The following COL14A1 variants were observed in gnomAD, a reference collection of about 807,000 sequenced individuals.
The protein encoded by COL14A1 is collagen alpha-1(XIV) chain.
COL14A1 carries 136 observed loss-of-function variants against 230.3 expected under a neutral mutation model. The observed-to-expected ratio is 0.59, with a 90% confidence interval of 0.51 to 0.68. The LOEUF (loss-of-function observed/expected upper bound fraction) is 0.68. Ranked by LOEUF, COL14A1 falls within the 30% of genes least tolerant of loss-of-function variation. The pLI is 0.00. For synonymous variants in COL14A1, 792 were observed against 784.1 expected, an observed-to-expected ratio of 1.01 and a Z score of -0.17; for missense variants, 1,976 against 2,215.8, an observed-to-expected ratio of 0.89 and a Z score of 2.17.
intron 4 of COL14A1, 139 bp from the exon 5 acceptor site, chr8:120,168,022 A>C: frequency 2.0e-6 from 1 of 505,916 alleles, no homozygotes; most frequent in South Asian, 3.5e-5. Context: ...AGCAGTTCTA[A>C]TATTTGGGGA....
At chr8:120,255,195 G>A in intron 22 of COL14A1, 45 bp from the exon 23 acceptor site, 2 of 1,447,452 alleles carry the variant, frequency 1.4e-6, no homozygotes, top group African/African-American at 1.4e-5. Flanking sequence ...GGATGCTTGT[G>A]TGTTGTCTGC....
At chr8:120,332,572 G>T in intron 41 of COL14A1, 92 bp from the exon 42 acceptor site, 1 of 1,006,404 alleles carries the variant, frequency 9.9e-7, no homozygotes, top group South Asian at 1.4e-5. Context: ...AGCTATCATG[G>T]TGTGTATTTG....
rs560573154 is a variant in COL14A1, at chr8:120,215,739, C to T, written c.1598-612C>T. ...TGGATAATGGATTAGAAGTGGGTTG[C>T]GAGAGAAAGAGCAATCCAGGAGGCT... is the stretch of plus-strand genomic sequence containing the variant. On this transcript the variant is annotated intron_variant, in intron 13 of 47. Transcript: ENST00000297848. Among the ~76,000 whole-genome samples, 22 of 151,806 alleles carry T rather than the reference C, an allele frequency of 1.4e-4. 1 individual carries two copies. The highest frequency in any genetic ancestry group is 1.2e-3 in the Admixed American group (19 of 15,216).
rs778171156 is a variant in COL14A1, at chr8:120,371,157, C to A, written c.5317C>A (p.His1773Asn). 6.8e-6 allele frequency: 11 copies of A among 1,609,218 alleles called. No individual in the cohort carries two copies. The highest frequency in any genetic ancestry group is 1.3e-5 in the African/African-American group (1 of 74,788). Residue 1773 changes from histidine (H) to asparagine (N), a missense_variant, in exon 48 of 48, where the codon CAT (histidine) becomes AAT (asparagine). By Grantham distance (68) the His-to-Asn change is moderately conservative (BLOSUM62 1). Transcript: ENST00000297848. ...SCSAYGVRAP[H>N]PDQPEFTPVQ... ...CCCCCACTTTTCCTCTTTAGCTCCC[C>A]ATCCAGATCAGCCAGAGTTCACCCC...
chr8:120,208,783 G>A (rs1325131555), intron 11 of COL14A1, among the ~76,000 whole-genome samples: 1 of 152,034 alleles, frequency 6.6e-6, no homozygotes. Context: ...ATCATTGTAG[G>A]TAAAACAAGC....
At chr8:120,367,091 T>C in intron 45 of COL14A1, 80 bp from the exon 46 acceptor site, 1 of 1,192,364 alleles carries the variant, frequency 8.4e-7, no homozygotes, top group South Asian at 1.5e-5. Context: ...GAGAAGCACT[T>C]TCGAACTCCA....
chr8:120,313,814 C>A (rs1821120437), intron 37 of COL14A1, 118 bp from the exon 38 acceptor site: 1 of 632,874 alleles, frequency 1.6e-6, no homozygotes, highest in South Asian at 2.4e-5. Flanking sequence ...CTGAGTATTT[C>A]CTATCTTAAG....
In COL14A1 at chr8:120,367,242, C is replaced by T. The variant is rs1331104259; in HGVS notation, c.5149C>T (p.Pro1717Ser). ...GTQGPRGPPG[P>S]AGPSGESRPG... The stretch of plus-strand genomic sequence containing the variant: ...CCAAGGTCCAAGAGGCCCCCCTGGA[C>T]CAGCAGGTAAATCTTCCTTCCTAAC... The change falls in exon 46 of 48, where the codon CCA (proline) becomes TCA (serine). Residue 1717 changes from proline to serine, a missense_variant. Physicochemically the swap from Pro to Ser is moderately conservative, Grantham distance 74 (BLOSUM62 -1). Coordinates refer to ENST00000297848, the MANE Select transcript of COL14A1 (RefSeq NM_021110.4). The T allele has an allele frequency of 6.2e-7, 1 of 1,608,968 alleles. No homozygotes were observed. Among genetic ancestry groups the T allele is most frequent in the South Asian group, 1.1e-5 (1 of 89,802 alleles).
At chr8:120,367,080 A>G (rs1024548602) in intron 45 of COL14A1, 91 bp from the exon 46 acceptor site, 17 of 1,005,740 alleles carry the variant, frequency 1.7e-5, no homozygotes, top group Non-Finnish European at 2.2e-5. Flanking sequence ...TGTCTTCATC[A>G]GAGAAGCACT....
chr8:120,314,071 T>G, intron 38 of COL14A1, 44 bp downstream of exon 38: 1 of 1,356,666 alleles, frequency 7.4e-7, no homozygotes, highest in Non-Finnish European at 1.0e-6. Flanking sequence ...TTGTTATCTC[T>G]TTTCCATGAG....
chr8:120,201,115 A>C (rs188691274), intron 8 of COL14A1, among the ~76,000 whole-genome samples: 2 of 152,214 alleles, frequency 1.3e-5, no homozygotes, highest in East Asian at 3.9e-4. Flanking sequence ...AGAGAAGTGT[A>C]TTATTATTAT....
At chr8:120,206,119 C>T (rs1044367329) in intron 9 of COL14A1, among the ~76,000 whole-genome samples, 5 of 151,948 alleles carry the variant, frequency 3.3e-5, no homozygotes, top group African/African-American at 7.3e-5. Context: ...AGCCTGTGTT[C>T]GCTGATGCTT....
chr8:120,168,128 T>C, intron 4 of COL14A1, 33 bp from the exon 5 acceptor site: 1 of 1,413,674 alleles, frequency 7.1e-7, no homozygotes, highest in South Asian at 1.2e-5. Flanking sequence ...GATTTTAGTA[T>C]AACATGGTGC....
intron 45 of COL14A1, among the ~76,000 whole-genome samples, chr8:120,350,274 G>A (rs1329822258): frequency 2.0e-5 from 3 of 151,704 alleles, no homozygotes; most frequent in Non-Finnish European, 4.4e-5. Flanking sequence ...ACCAGCCGCT[G>A]CAAAATCATG....
Position 120,231,497 on chromosome 8 carries a change from T to C in COL14A1, c.2228T>C (p.Val743Ala), listed in dbSNP as rs761067271. ...CAGACGGGAATCAGAAACCTAGTTGTAGGTGATGAAACTACTTCTAGCCTG... is the reference window on the plus strand; with the variant it reads ...CAGACGGGAATCAGAAACCTAGTTGCAGGTGATGAAACTACTTCTAGCCTG... ...VFQTGIRNLV[V>A]GDETTSSLRV... The change falls in exon 19 of 48, where the codon GTA becomes GCA. Residue 743 changes from valine to alanine, a missense_variant. This residue lies in a region of COL14A1 where 1,791 missense variants were observed against 2,019.5 expected (regional missense o/e 0.89). Coordinates refer to ENST00000297848, the MANE Select transcript of COL14A1 (RefSeq NM_021110.4). 1.0e-4 allele frequency: 167 copies of C among 1,613,884 alleles called. No individual in the cohort carries two copies. Among genetic ancestry groups the C allele is most frequent in the Non-Finnish European group, 1.4e-4 (161 of 1,179,978 alleles).
chr8:120,308,692 G>A (rs995250461), intron 36 of COL14A1, among the ~76,000 whole-genome samples: 1 of 152,210 alleles, frequency 6.6e-6, no homozygotes, highest in African/African-American at 2.4e-5. Context: ...CTGACCCAGT[G>A]TTTTCTTAAG....
At chr8:120,334,339 G>A (rs1821977080) in intron 42 of COL14A1, among the ~76,000 whole-genome samples, 2 of 151,876 alleles carry the variant, frequency 1.3e-5, no homozygotes, top group African/African-American at 2.4e-5. Context: ...GCTATCCTTA[G>A]TAATCACTTT....
intron 5 of COL14A1, among the ~76,000 whole-genome samples, chr8:120,178,222 C>G (rs1816349072): frequency 6.6e-6 from 1 of 152,126 alleles, no homozygotes. Context: ...GCTATCCCTC[C>G]CCTAGCCTCC....
chr8:120,368,558 G>A (rs1041534175), intron 46 of COL14A1, among the ~76,000 whole-genome samples: 2 of 146,762 alleles, frequency 1.4e-5, no homozygotes, highest in Admixed American at 1.4e-4. Context: ...GTTGAAGAAT[G>A]CCTTTTCAAC....
Sources: gnomAD v4.1 joint callset for allele counts (sites outside exome capture counted in the v4.1 genomes callset) on GRCh38, gnomAD v4.1.1 for gene constraint, gnomAD v4.1.1 regional missense constraint, MANE v1.5 for transcripts, NCBI Gene and HGNC (gene_info 2026-07-23, HGNC 2026-07-21) for gene names.